The following CPHXL variants were observed in gnomAD, a reference collection of about 807,000 sequenced individuals.
The protein encoded by CPHXL is cytoplasmic polyadenylated homeobox like.
At chr16:75,717,605 T>C (rs867476225) in intron 2 of CPHXL, among the ~76,000 whole-genome samples, 3 of 152,182 alleles carry the variant, frequency 2.0e-5, no homozygotes, top group Non-Finnish European at 2.9e-5. Flanking sequence ...TTTTGTATTG[T>C]TATTTGCTCC....
rs1959358951 is a variant in CPHXL, at chr16:75,714,349, G to T, written c.1093C>A (p.Pro365Thr). Residue 365 changes from proline to threonine, a missense_variant, in exon 3 of 3, where the codon CCG becomes ACG. Coordinates refer to ENST00000640559, the MANE Select transcript of CPHXL (RefSeq NM_001355613.1). Reference sequence around the variant, plus strand: ...ATGTGCTGCAGTTGAGAGCACAACGGCTTTCCATTATTCTGAGGCAGTTGA... The same window carrying T: ...ATGTGCTGCAGTTGAGAGCACAACGTCTTTCCATTATTCTGAGGCAGTTGA... ...QSQLPQNNGK[P>T]LCSQLQHMSL... is the part of the protein sequence containing the mutation. 1 of 398,456 alleles carries T rather than the reference G, an allele frequency of 2.5e-6. No homozygotes were observed. The highest frequency in any genetic ancestry group is 4.4e-6 in the Non-Finnish European group (1 of 226,078). 24.7% of individuals were successfully genotyped at this position (398,456 alleles called of 1,614,324 possible).
chr16:75,714,631 C>G lies in CPHXL; in HGVS notation c.811G>C (p.Glu271Gln), dbSNP rs955290935. ...YFHGERTETK[E>Q]SQHASPFLLD... is the part of the protein sequence containing the mutation. ...AGGAAAGGACTTGCATGCTGGCTTTCCTTGGTTTCAGTCCTTTCTCCATGA... is the reference window on the plus strand; with the variant it reads ...AGGAAAGGACTTGCATGCTGGCTTTGCTTGGTTTCAGTCCTTTCTCCATGA... The change falls in exon 3 of 3, where the codon GAA (glutamate) becomes CAA (glutamine). Residue 271 changes from glutamate to glutamine, a missense_variant. Transcript: ENST00000640559. 2.5e-6 allele frequency: 1 copy of G among 398,650 alleles called. No homozygotes were observed. Among genetic ancestry groups the G allele is most frequent in the East Asian group, 3.6e-5 (1 of 28,080 alleles). 24.7% of individuals were successfully genotyped at this position (398,650 alleles called of 1,614,324 possible).
At chr16:75,723,161 A>G (rs1228036786) in intron 1 of CPHXL, among the ~76,000 whole-genome samples, 2 of 152,140 alleles carry the variant, frequency 1.3e-5, no homozygotes, top group African/African-American at 4.8e-5. Flanking sequence ...ATGGGCAAAA[A>G]CTGGAAGCAT....
chr16:75,724,178 A>G (rs1246992811), intron 1 of CPHXL, among the ~76,000 whole-genome samples: 5 of 152,244 alleles, frequency 3.3e-5, no homozygotes, highest in African/African-American at 1.2e-4. Flanking sequence ...ACCCTAGAAG[A>G]AAACCTAGGC....
At chr16:75,723,156 C>CA (rs769512053) in intron 1 of CPHXL, among the ~76,000 whole-genome samples, 311 of 152,254 alleles carry the variant, frequency 2.0e-3, no homozygotes, top group Non-Finnish European at 3.5e-3. Flanking sequence ...ACTGAATGGG[C>CA]AAAAACTGGA....
chr16:75,718,009 C>A (rs994288252), intron 2 of CPHXL, among the ~76,000 whole-genome samples: 4 of 150,702 alleles, frequency 2.7e-5, no homozygotes, highest in African/African-American at 9.8e-5. Context: ...GATCTCTTGA[C>A]CCCAGGAGTT....
intron 1 of CPHXL, among the ~76,000 whole-genome samples, chr16:75,723,672 C>G (rs1321848823): frequency 6.6e-6 from 1 of 152,210 alleles, no homozygotes; most frequent in African/African-American, 2.4e-5. Flanking sequence ...AATGGCCATA[C>G]TACCCAAGGT....
chr16:75,725,466 T>C (rs1959542530), intron 1 of CPHXL, among the ~76,000 whole-genome samples: 1 of 151,230 alleles, frequency 6.6e-6, no homozygotes, highest in South Asian at 2.1e-4. Context: ...TTTTTTTTTT[T>C]TTTTGAGACG....
chr16:75,718,318 T>C lies in CPHXL; in HGVS notation c.166A>G (p.Thr56Ala). 1 of 398,876 alleles carries C rather than the reference T, an allele frequency of 2.5e-6. No homozygotes were observed. The highest frequency in any genetic ancestry group is 4.4e-6 in the Non-Finnish European group (1 of 226,228). 24.7% of individuals were successfully genotyped at this position (398,876 alleles called of 1,614,324 possible). Reference sequence around the variant, plus strand: ...TTGATGGCCAGTGTTTTCCTAGTTGTGTAATCGGGATAACAGTTCTCTCCA... The same window carrying C: ...TTGATGGCCAGTGTTTTCCTAGTTGCGTAATCGGGATAACAGTTCTCTCCA... ...IFGENCYPDY[T>A]TRKTLAIKFD... The change falls in exon 2 of 3, where the codon ACA becomes GCA. Residue 56 changes from threonine (T) to alanine (A), a missense_variant. By Grantham distance (58) the Thr-to-Ala change is moderately conservative. Transcript: ENST00000640559.
At chr16:75,722,868 T>G (rs1332982727) in intron 1 of CPHXL, among the ~76,000 whole-genome samples, 2 of 152,098 alleles carry the variant, frequency 1.3e-5, no homozygotes, top group African/African-American at 2.4e-5. Flanking sequence ...ACTAGCAAAC[T>G]GAATCCAGCA....
chr16:75,723,476 A>T (rs1302213191), intron 1 of CPHXL, among the ~76,000 whole-genome samples: 3 of 152,246 alleles, frequency 2.0e-5, no homozygotes, highest in African/African-American at 7.2e-5. Context: ...CAGAGAGCCA[A>T]ATCATGAGTG....
rs1959368657 is a variant in CPHXL, at chr16:75,714,917, A to G, written c.525T>C (p.Tyr175=). ...PSQQVGPQCS[Y]LEKPGIPSQQ... ...GACTGGGAATCCCTGGTTTCTCCAG[A>G]TAAGAGCACTGGGGGCCCACCTGTT... The change falls in exon 3 of 3, where the codon TAT becomes TAC. Residue 175 remains tyrosine, a synonymous_variant. Transcript: ENST00000640559. 2.5e-6 allele frequency: 1 copy of G among 398,670 alleles called. No individual in the cohort carries two copies. The highest frequency in any genetic ancestry group is 4.4e-6 in the Non-Finnish European group (1 of 226,096). The allele number at this position is 398,670 out of a possible 1,614,324, so 24.7% of individuals were successfully genotyped here.
At chr16:75,719,633 A>C (rs1390264524) in intron 1 of CPHXL, among the ~76,000 whole-genome samples, 1 of 152,318 alleles carries the variant, frequency 6.6e-6, no homozygotes, top group Non-Finnish European at 1.5e-5. Context: ...AGCCCACTGC[A>C]GCTCAAGGAG....
At chr16:75,721,484 C>G (rs1342611416) in intron 1 of CPHXL, among the ~76,000 whole-genome samples, 2 of 152,210 alleles carry the variant, frequency 1.3e-5, no homozygotes, top group East Asian at 3.9e-4. Context: ...TTTAAACCAA[C>G]AAAGATCAAA....
At chr16:75,722,989 A>G (rs1277467498) in intron 1 of CPHXL, among the ~76,000 whole-genome samples, 2 of 152,230 alleles carry the variant, frequency 1.3e-5, no homozygotes, top group East Asian at 1.9e-4. Flanking sequence ...AACAGAACCA[A>G]TGACAAAAAC....
intron 2 of CPHXL, among the ~76,000 whole-genome samples, chr16:75,716,762 A>T (rs1959398578): frequency 6.6e-6 from 1 of 152,054 alleles, no homozygotes; most frequent in South Asian, 2.1e-4. Flanking sequence ...CAATTTTCTA[A>T]TCCTGCCTGG....
Position 75,715,173 on chromosome 16 carries a change from C to A in CPHXL, c.269G>T (p.Arg90Ile). Residue 90 changes from arginine to isoleucine, a missense_variant, in exon 3 of 3, where the codon AGA becomes ATA. Coordinates refer to ENST00000640559, the MANE Select transcript of CPHXL (RefSeq NM_001355613.1). ...ATGCTTTTTCTGAAGAACAAATATTCTGCGTCTTTCTGCAGGTGGAAGTCT... is the reference window on the plus strand; with the variant it reads ...ATGCTTTTTCTGAAGAACAAATATTATGCGTCTTTCTGCAGGTGGAAGTCT... ...RARLPPAERR[R>I]IFVLQKKHDF... is the part of the protein sequence containing the mutation. 1 of 398,890 alleles carries A rather than the reference C, an allele frequency of 2.5e-6. No homozygotes were observed. The highest frequency in any genetic ancestry group is 4.4e-6 in the Non-Finnish European group (1 of 226,194). The allele number at this position is 398,890 out of a possible 1,614,324, so 24.7% of individuals were successfully genotyped here. A position where few individuals can be genotyped will look rare whatever the true frequency, so the allele number is the denominator to read the frequency against.
chr16:75,717,136 A>G (rs528035070), intron 2 of CPHXL, among the ~76,000 whole-genome samples: 135 of 152,322 alleles, frequency 8.9e-4, no homozygotes, highest in African/African-American at 3.1e-3. Flanking sequence ...TCAAACATCT[A>G]CAGTCTCATT....
intron 1 of CPHXL, among the ~76,000 whole-genome samples, chr16:75,719,753 TAGCGGTTCTCCCAGCACGC>T (rs1047875228): frequency 4.6e-5 from 7 of 151,660 alleles, no homozygotes; most frequent in African/African-American, 1.7e-4. Flanking sequence ...TTGAAGAGAG[TAGCGGTTCTCCCAGCACGC>T]AGCTGGAGAT....
Sources: gnomAD v4.1 joint callset for allele counts (sites outside exome capture counted in the v4.1 genomes callset) on GRCh38, gnomAD v4.1.1 for gene constraint, MANE v1.5 for transcripts, NCBI Gene and HGNC (gene_info 2026-07-23, HGNC 2026-07-21) for gene names.